Variants in ABHD2 observed in about 807,000 individuals in gnomAD.
ABHD2 encodes monoacylglycerol lipase ABHD2.
Under a neutral mutation model 48.1 loss-of-function variants are expected in ABHD2, and 20 were observed. That is an observed-to-expected ratio of 0.42 (90% CI 0.29 to 0.60). ABHD2 has a LOEUF of 0.60. Ranked by LOEUF, ABHD2 falls within the 20% of genes least tolerant of loss-of-function variation. The probability of loss-of-function intolerance (pLI) is 0.24; values close to 1 mark genes in which losing one functional copy is unlikely to be tolerated. For synonymous variants in ABHD2, 209 were observed against 214.2 expected, an observed-to-expected ratio of 0.98 and a Z score of 0.21; for missense variants, 405 against 550.9, an observed-to-expected ratio of 0.74 and a Z score of 2.65.
In ABHD2 at chr15:89,168,598, C is replaced by A. The variant is rs907816267; in HGVS notation, c.539-7214C>A. Among the ~76,000 whole-genome samples the A allele has an allele frequency of 6.6e-6, 1 of 152,152 alleles. No homozygotes were observed. Among genetic ancestry groups the A allele is most frequent in the Non-Finnish European group, 1.5e-5 (1 of 68,016 alleles). ...ACATCAGGCAGGGTTGGCCCTTTAT[C>A]CAGATCAGATGTGTTTGGATTTAAT... On this transcript the variant is annotated intron_variant, in intron 5 of 10. Transcript: ENST00000352732. This position sits in a 1 kb window ranked among gnomAD's most constrained non-coding sequence, Gnocchi z 4.8.
the ABHD2 span, among the ~76,000 whole-genome samples, chr15:89,062,750 G>A: frequency 6.6e-6 from 1 of 152,040 alleles, no homozygotes; most frequent in African/African-American, 2.4e-5. Context: ...TCTAAGACTA[G>A]CAATAAAAGA....
chr15:89,047,913 G>A, the ABHD2 span, among the ~76,000 whole-genome samples: 3 of 146,338 alleles, frequency 2.1e-5, no homozygotes, highest in African/African-American at 5.2e-5. Context: ...AGTTAATATT[G>A]TTATGTGTGA....
chr15:89,098,168 T>C (rs393214), intron 1 of ABHD2, among the ~76,000 whole-genome samples: 152,318 of 152,336 alleles, frequency 1, 76,150 homozygotes, highest in Middle Eastern at 1. Context: ...ATGTGCGCCA[T>C]GGCACCCAGG....
At chr15:89,061,898 T>C in the ABHD2 span, among the ~76,000 whole-genome samples, 2 of 151,998 alleles carry the variant, frequency 1.3e-5, no homozygotes, top group Admixed American at 1.3e-4. Context: ...TCAAAAAGAG[T>C]ATTTTCCCAG....
At chr15:89,060,299 C>T in the ABHD2 span, among the ~76,000 whole-genome samples, 29,681 of 151,480 alleles carry the variant, frequency 0.2, 3,087 homozygotes, top group African/African-American at 0.22. Context: ...CCATATTAGT[C>T]AGGCTGCTCG....
At chr15:89,069,147 A>T in the ABHD2 span, among the ~76,000 whole-genome samples, 2 of 138,376 alleles carry the variant, frequency 1.4e-5, no homozygotes, top group Non-Finnish European at 3.1e-5. Context: ...TTTTAAAGAG[A>T]TAGGATCTCT....
intron 3 of ABHD2, among the ~76,000 whole-genome samples, chr15:89,127,107 G>A (rs1250674325): frequency 2.0e-5 from 3 of 152,154 alleles, no homozygotes; most frequent in Admixed American, 1.3e-4. Flanking sequence ...ACCAAGGGCC[G>A]GGTACTCCTC....
At chr15:89,043,454 G>GAGGAGGAGGAGAAGGAGA in the ABHD2 span, among the ~76,000 whole-genome samples, 3 of 143,916 alleles carry the variant, frequency 2.1e-5, no homozygotes, top group African/African-American at 7.9e-5. Context: ...GAAGGAGGAG[G>GAGGAGGAGGAGAAGGAGA]AGGAGAAGGA....
intron 5 of ABHD2, among the ~76,000 whole-genome samples, chr15:89,162,148 G>C (rs936263968): frequency 6.6e-6 from 1 of 152,114 alleles, no homozygotes; most frequent in Non-Finnish European, 1.5e-5. Context: ...CGGGGGTTAC[G>C]AGTTCAGCAT....
At chr15:89,074,271 G>A in the ABHD2 span, among the ~76,000 whole-genome samples, 1 of 152,066 alleles carries the variant, frequency 6.6e-6, no homozygotes, top group Admixed American at 6.5e-5. Flanking sequence ...AGCTACTCCG[G>A]AGGCTGAGGC....
At chr15:89,069,658 A>G in the ABHD2 span, among the ~76,000 whole-genome samples, 1 of 101,552 alleles carries the variant, frequency 9.8e-6, no homozygotes, top group African/African-American at 3.6e-5. Context: ...TTCTCCTGTC[A>G]TCTTGTTCAT....
At chr15:89,193,162 G>C (rs2051335558) in intron 9 of ABHD2, 73 bp from the exon 10 acceptor site, 1 of 1,452,344 alleles carries the variant, frequency 6.9e-7, no homozygotes, top group Admixed American at 1.7e-5. Flanking sequence ...CCAGCAGTGA[G>C]TTTGAGCCTT....
At position 89,092,644 on chromosome 15, in the gene ABHD2, T is replaced by G. The variant is rs1315035851; in HGVS notation, c.-107+4081T>G. On this transcript the variant is annotated intron_variant, in intron 1 of 10. Transcript: ENST00000352732. This position sits in a 1 kb window ranked among gnomAD's most constrained non-coding sequence, Gnocchi z 4.4. ...TAGCGATTTCTTCATCCTCCAGAAG[T>G]GGTCCCTGAACTTCCAAGGGATTTT... Among the ~76,000 whole-genome samples, 1 of 152,234 alleles carries G rather than the reference T, an allele frequency of 6.6e-6. No individual in the cohort carries two copies. Among genetic ancestry groups the G allele is most frequent in the Admixed American group, 6.5e-5 (1 of 15,284 alleles).
Position 89,155,491 on chromosome 15 carries a change from C to T in ABHD2, c.495C>T (p.Ala165=). ...YRCAVLNHLG[A]LPNIELTSPR... ...GCGCCGTGCTGAACCACCTGGGTGCCCTGCCCAACATTGAATTGACCTCGC... is the reference window on the plus strand; with the variant it reads ...GCGCCGTGCTGAACCACCTGGGTGCTCTGCCCAACATTGAATTGACCTCGC... Residue 165 remains alanine, a synonymous_variant, in exon 5 of 11, where the codon GCC becomes GCT. Transcript: ENST00000352732. The surrounding 1 kb of genome is among the most constrained non-coding windows in gnomAD (Gnocchi z 4.9). 1.2e-6 allele frequency: 2 copies of T among 1,614,146 alleles called. No homozygotes were observed. The highest frequency in any genetic ancestry group is 1.7e-6 in the Non-Finnish European group (2 of 1,179,994).
rs1028461917 is a variant in ABHD2 at position 89,196,891 on chromosome 15, C to T, written c.*1468C>T. 4 of 152,638 alleles carry T rather than the reference C, an allele frequency of 2.6e-5. No homozygotes were observed. The highest frequency in any genetic ancestry group is 1.3e-4 in the Admixed American group (2 of 15,278). The allele number at this position is 152,638 out of a possible 1,614,324, so 9.5% of individuals were successfully genotyped here. Reference sequence around the variant, plus strand: ...CCTGTGGTACTTGAATATCCAAAAACCCTGCACTTTGAACAATCAGCTGTT... The same window carrying T: ...CCTGTGGTACTTGAATATCCAAAAATCCTGCACTTTGAACAATCAGCTGTT... On this transcript the variant is annotated 3_prime_UTR_variant, in exon 11 of 11. Transcript: ENST00000352732.
At chr15:89,136,170 C>T (rs773955189) in intron 3 of ABHD2, 65 of 222,882 alleles carry the variant, frequency 2.9e-4, no homozygotes, top group Non-Finnish European at 5.5e-4. Context: ...CTTAGGTGAT[C>T]TACCCGCCTC....
At position 89,175,858 on chromosome 15, in the gene ABHD2, A is replaced by T. The variant is rs746282410; in HGVS notation, c.585A>T (p.Thr195=). The change falls in exon 6 of 11, where the codon ACA becomes ACT. Residue 195 remains threonine (T), a synonymous_variant. Transcript: ENST00000352732. This position sits in a 1 kb window ranked among gnomAD's most constrained non-coding sequence, Gnocchi z 5.7. The part of the protein sequence containing the change: ...FGAMVNYIKK[T]YPLTQLVVVG... ...CCATGGTGAACTACATCAAGAAGAC[A>T]TATCCCCTGACCCAGCTGGTCGTCG... The T allele has an allele frequency of 2.5e-6, 4 of 1,614,098 alleles. No homozygotes were observed. In the South Asian group the frequency reaches 4.4e-5, roughly 18 times the overall value.
At chr15:89,152,175 A>G (rs1261353902) in intron 4 of ABHD2, among the ~76,000 whole-genome samples, 3 of 147,172 alleles carry the variant, frequency 2.0e-5, no homozygotes. Flanking sequence ...TCCCAGGTTC[A>G]CTCCATTCGC....
chr15:89,122,384 T>C (rs1465673006), intron 3 of ABHD2, among the ~76,000 whole-genome samples: 1 of 152,224 alleles, frequency 6.6e-6, no homozygotes, highest in Non-Finnish European at 1.5e-5. Context: ...TCAAGTACAA[T>C]GCCATTCTGT....
Sources: allele counts gnomAD v4.1 joint callset (sites outside exome capture counted in the v4.1 genomes callset), GRCh38; gene constraint gnomAD v4.1.1; non-coding constraint Gnocchi (gnomAD v3.1); transcripts MANE v1.5; gene names NCBI Gene and HGNC (gene_info 2026-07-23, HGNC 2026-07-21).